Variants in ZNF804A observed in about 807,000 individuals in gnomAD.
The protein encoded by ZNF804A is zinc finger protein 804A.
ZNF804A carries 2 observed loss-of-function variants against 16.5 expected under a neutral mutation model. The observed-to-expected ratio is 0.12, with a 90% confidence interval of 0.05 to 0.38. The LOEUF is 0.38. Among genes scored for constraint, ZNF804A ranks in the 10% least tolerant of loss-of-function variants. The pLI, the probability that ZNF804A is intolerant of heterozygous loss-of-function variation, is 0.99. For synonymous variants in ZNF804A, 534 were observed against 489.6 expected, an observed-to-expected ratio of 1.09 and a Z score of -1.20; for missense variants, 1,473 against 1,390.7, an observed-to-expected ratio of 1.06 and a Z score of -0.94.
At chr2:184,685,587 G>A (rs1210260188) in intron 1 of ZNF804A, among the ~76,000 whole-genome samples, 1 of 152,158 alleles carries the variant, frequency 6.6e-6, no homozygotes, top group Non-Finnish European at 1.5e-5. Flanking sequence ...GAGACTAAAA[G>A]TGGGTAGCTC....
At chr2:184,650,636 T>C (rs1691966480) in intron 1 of ZNF804A, among the ~76,000 whole-genome samples, 1 of 152,046 alleles carries the variant, frequency 6.6e-6, no homozygotes, top group African/African-American at 2.4e-5. Flanking sequence ...ATCAGTAGCA[T>C]TTCTTAACAT....
chr2:184,791,245 T>A (rs923503975), intron 1 of ZNF804A, among the ~76,000 whole-genome samples: 11 of 152,162 alleles, frequency 7.2e-5, no homozygotes, highest in African/African-American at 2.7e-4. Flanking sequence ...GAAGTTTTGA[T>A]TGTTGCTTTA....
At chr2:184,613,769 T>A (rs960110178) in intron 1 of ZNF804A, among the ~76,000 whole-genome samples, 6 of 152,012 alleles carry the variant, frequency 3.9e-5, no homozygotes, top group African/African-American at 1.5e-4. Context: ...AAACCACTGC[T>A]CAAGGAAATA....
chr2:184,852,966 AT>A (rs1014675514), intron 1 of ZNF804A, among the ~76,000 whole-genome samples: 4 of 151,446 alleles, frequency 2.6e-5, no homozygotes, highest in Non-Finnish European at 4.4e-5. Context: ...TTTTTTTTCT[AT>A]TTCTGTGAAA....
rs2105844537 is a variant in ZNF804A, at chr2:184,937,385, A to G, written c.1989A>G (p.Glu663=). ...TACTTGATAAAAGGCCCAAATCAGA[A>G]TCCATATCCTTAAGTGACAATGAAG... is the stretch of plus-strand genomic sequence containing the variant. ...HQLLDKRPKS[E]SISLSDNEEM... The change falls in exon 4 of 4, where the codon GAA becomes GAG. Residue 663 remains glutamate (E), a synonymous_variant. Coordinates refer to ENST00000302277, the MANE Select transcript of ZNF804A (RefSeq NM_194250.2). 1 of 1,613,630 alleles carries G rather than the reference A, an allele frequency of 6.2e-7. No homozygotes were observed. Among genetic ancestry groups the G allele is most frequent in the Middle Eastern group, 1.7e-4 (1 of 6,054 alleles).
intron 1 of ZNF804A, among the ~76,000 whole-genome samples, chr2:184,835,250 C>G (rs1695324312): frequency 6.6e-6 from 1 of 152,054 alleles, no homozygotes; most frequent in Admixed American, 6.6e-5. Context: ...TGTAGAGCAG[C>G]AGCAGAGGTA....
rs536739071 is a variant in ZNF804A at position 184,869,540 on chromosome 2, G to C, written c.255+3028G>C. Among the ~76,000 whole-genome samples the C allele has an allele frequency of 2.0e-3, 306 of 152,046 alleles. 1 individual carries two copies. The highest frequency in any genetic ancestry group is 3.6e-3 in the Non-Finnish European group (245 of 67,894). ...CTATTATTAGGGAAATTAAATGAGA[G>C]AATGCACATTAATATGCATTGCAGA... is the stretch of plus-strand genomic sequence containing the variant. On this transcript the variant is annotated intron_variant, in intron 2 of 3. Coordinates refer to ENST00000302277, the MANE Select transcript of ZNF804A (RefSeq NM_194250.2).
chr2:184,726,323 A>G (rs1440268903), intron 1 of ZNF804A, among the ~76,000 whole-genome samples: 1 of 151,636 alleles, frequency 6.6e-6, no homozygotes, highest in Non-Finnish European at 1.5e-5. Context: ...TTAGCTCTTC[A>G]AATAGGTACA....
intron 1 of ZNF804A, among the ~76,000 whole-genome samples, chr2:184,698,419 A>G (rs1692868658): frequency 1.3e-5 from 2 of 152,120 alleles, no homozygotes; most frequent in African/African-American, 4.8e-5. Flanking sequence ...TACCATTTAA[A>G]TCATGTAATT....
intron 1 of ZNF804A, among the ~76,000 whole-genome samples, chr2:184,847,987 C>T (rs1460571451): frequency 6.6e-6 from 1 of 152,028 alleles, no homozygotes; most frequent in African/African-American, 2.4e-5. Context: ...TCCAGCACCT[C>T]TGTTTTCCAT....
chr2:184,922,013 A>T (rs1216421373), intron 2 of ZNF804A, among the ~76,000 whole-genome samples: 2 of 152,078 alleles, frequency 1.3e-5, no homozygotes, highest in African/African-American at 4.8e-5. Flanking sequence ...TTTTCCATTT[A>T]TCTGCTGATG....
At chr2:184,790,114 C>T (rs1332684922) in intron 1 of ZNF804A, among the ~76,000 whole-genome samples, 1 of 151,996 alleles carries the variant, frequency 6.6e-6, no homozygotes, top group Middle Eastern at 3.2e-3. Flanking sequence ...TGTTTATTTT[C>T]CATGTACTTG....
chr2:184,654,180 C>T (rs1055608524), intron 1 of ZNF804A, among the ~76,000 whole-genome samples: 3 of 152,144 alleles, frequency 2.0e-5, no homozygotes, highest in Non-Finnish European at 4.4e-5. Flanking sequence ...TGCTATAGCC[C>T]GGTTCTGATG....
intron 1 of ZNF804A, among the ~76,000 whole-genome samples, chr2:184,844,086 A>T (rs1290753320): frequency 3.3e-5 from 5 of 151,898 alleles, no homozygotes; most frequent in Non-Finnish European, 5.9e-5. Flanking sequence ...TACAATGTAC[A>T]TTTTTACTAA....
At chr2:184,896,385 T>A (rs911405275) in intron 2 of ZNF804A, among the ~76,000 whole-genome samples, 1 of 152,276 alleles carries the variant, frequency 6.6e-6, no homozygotes, top group Admixed American at 6.5e-5. Context: ...GGGGTACAGT[T>A]TACCTGAAAT....
intron 1 of ZNF804A, among the ~76,000 whole-genome samples, chr2:184,639,394 T>C (rs1344572217): frequency 2.6e-5 from 4 of 151,924 alleles, no homozygotes; most frequent in Non-Finnish European, 5.9e-5. Context: ...TTTTCAAACA[T>C]TGATGATTCA....
At chr2:184,830,779 G>T (rs551120812) in intron 1 of ZNF804A, among the ~76,000 whole-genome samples, 1 of 151,988 alleles carries the variant, frequency 6.6e-6, no homozygotes, top group African/African-American at 2.4e-5. Flanking sequence ...GAATGGAATT[G>T]GTTCTCTGAA....
At chr2:184,879,189 T>C (rs917593701) in intron 2 of ZNF804A, among the ~76,000 whole-genome samples, 2 of 152,000 alleles carry the variant, frequency 1.3e-5, no homozygotes, top group Non-Finnish European at 2.9e-5. Context: ...ACATTCTTTA[T>C]TAATGAATAC....
intron 1 of ZNF804A, among the ~76,000 whole-genome samples, chr2:184,850,371 T>A (rs1019364972): frequency 1.3e-5 from 2 of 151,810 alleles, no homozygotes; most frequent in Non-Finnish European, 2.9e-5. Context: ...TGCAGTCAAG[T>A]AGTACTACAT....
Sources: allele counts gnomAD v4.1 joint callset (sites outside exome capture counted in the v4.1 genomes callset), GRCh38; gene constraint gnomAD v4.1.1; transcripts MANE v1.5; gene names NCBI Gene and HGNC (gene_info 2026-07-23, HGNC 2026-07-21).